The following CHST11 variants were observed in gnomAD, a reference collection of about 807,000 sequenced individuals.
The protein encoded by CHST11 is carbohydrate sulfotransferase 11.
CHST11 carries 9 observed loss-of-function variants against 30.4 expected under a neutral mutation model. That is an observed-to-expected ratio of 0.30 (90% CI 0.18 to 0.52). CHST11 has a LOEUF of 0.52. CHST11 is among the 20% of genes least tolerant of loss of function. The pLI, the probability that CHST11 is intolerant of heterozygous loss-of-function variation, is 0.97. For synonymous variants in CHST11, 152 were observed against 187.8 expected, an observed-to-expected ratio of 0.81 and a Z score of 1.56; for missense variants, 348 against 460.6, an observed-to-expected ratio of 0.76 and a Z score of 2.24.
At chr12:104,472,789 A>ATGGTGGTGGTTGTGG in intron 1 of CHST11, among the ~76,000 whole-genome samples, 1 of 151,624 alleles carries the variant, frequency 6.6e-6, no homozygotes, top group East Asian at 2.0e-4. Context: ...GGTGGTGGTG[A>ATGGTGGTGGTTGTGG]TGGTGGTGGT....
rs1378831005 is a variant in CHST11 at position 104,757,365 on chromosome 12, C to A, written c.621C>A (p.Ser207=). 5 of 1,614,142 alleles carry A rather than the reference C, an allele frequency of 3.1e-6. No individual in the cohort carries two copies. The highest frequency in any genetic ancestry group is 4.2e-6 in the Non-Finnish European group (5 of 1,180,030). The change falls in exon 3 of 3, where the codon TCC becomes TCA. Residue 207 remains serine (S), a synonymous_variant. Transcript: ENST00000303694. This position sits in a 1 kb window ranked among gnomAD's most constrained non-coding sequence, Gnocchi z 6.5. The stretch of plus-strand genomic sequence containing the variant: ...AGTTCACCCAGAAGTACAACATCTC[C>A]TTCCACAAGCGGTACGGCACCAAGA... The part of the protein sequence containing the change: ...RNKFTQKYNI[S]FHKRYGTKII...
chr12:104,750,212 G>A (rs1228046466), intron 2 of CHST11, among the ~76,000 whole-genome samples: 1 of 151,878 alleles, frequency 6.6e-6, no homozygotes, highest in African/African-American at 2.4e-5. Context: ...CAGTAACTAG[G>A]AATGAGGAAG....
At chr12:104,505,763 G>A (rs892460319) in intron 1 of CHST11, among the ~76,000 whole-genome samples, 21 of 152,304 alleles carry the variant, frequency 1.4e-4, no homozygotes, top group East Asian at 1.3e-3. Context: ...AGCAAATGTA[G>A]CCGTTCCTTT....
chr12:104,604,172 G>T (rs2038981705), intron 2 of CHST11, among the ~76,000 whole-genome samples: 1 of 152,124 alleles, frequency 6.6e-6, no homozygotes. Flanking sequence ...CTGGGTAGGG[G>T]CCCTCTCTTC....
At chr12:104,527,010 G>A (rs555718277) in intron 1 of CHST11, among the ~76,000 whole-genome samples, 34 of 152,212 alleles carry the variant, frequency 2.2e-4, no homozygotes, top group East Asian at 5.8e-4. Flanking sequence ...AGCACCACAC[G>A]GCACTCTTTC....
intron 2 of CHST11, among the ~76,000 whole-genome samples, chr12:104,677,006 T>G (rs2039748445): frequency 6.6e-6 from 1 of 152,140 alleles, no homozygotes; most frequent in Admixed American, 6.5e-5. Flanking sequence ...GACATTTCAT[T>G]TCTTCGCCCT....
intron 2 of CHST11, among the ~76,000 whole-genome samples, chr12:104,617,921 T>TC: frequency 6.6e-6 from 1 of 152,060 alleles, no homozygotes; most frequent in Admixed American, 6.5e-5. Context: ...TTTTTTTTTT[T>TC]CCCTTGAGAT....
intron 2 of CHST11, among the ~76,000 whole-genome samples, chr12:104,714,036 A>C (rs2040109441): frequency 6.6e-6 from 1 of 152,004 alleles, no homozygotes; most frequent in Non-Finnish European, 1.5e-5. Flanking sequence ...TAGTAAGGCT[A>C]CCCCCTGCCT....
At chr12:104,465,345 G>A in intron 1 of CHST11, among the ~76,000 whole-genome samples, 1 of 152,180 alleles carries the variant, frequency 6.6e-6, no homozygotes. Flanking sequence ...CGATGAGGTT[G>A]GTTAAGAGTT....
At position 104,639,543 on chromosome 12, in the gene CHST11, T is replaced by C. The variant is rs1343552338; in HGVS notation, c.204+37552T>C. ...AGGAGAACAGGTCTCAAATCTGCCTTCCCAAAGATGGGATTTTAGGGATCT... is the reference window on the plus strand; with the variant it reads ...AGGAGAACAGGTCTCAAATCTGCCTCCCCAAAGATGGGATTTTAGGGATCT... On this transcript the variant is annotated intron_variant, in intron 2 of 2. Coordinates refer to ENST00000303694, the MANE Select transcript of CHST11 (RefSeq NM_018413.6). Among the ~76,000 whole-genome samples the C allele has an allele frequency of 2.0e-5, 3 of 152,306 alleles. No individual in the cohort carries two copies. In the East Asian group the frequency reaches 5.8e-4, roughly 29 times the overall value.
intron 2 of CHST11, among the ~76,000 whole-genome samples, chr12:104,655,482 T>C (rs1368879873): frequency 2.0e-5 from 3 of 152,224 alleles, no homozygotes; most frequent in African/African-American, 7.2e-5. Flanking sequence ...GGAATTTGAC[T>C]TTCCTTTTGG....
intron 1 of CHST11, among the ~76,000 whole-genome samples, chr12:104,497,516 G>A (rs2135971991): frequency 6.6e-6 from 1 of 152,220 alleles, no homozygotes; most frequent in African/African-American, 2.4e-5. Flanking sequence ...TTTTGTTATG[G>A]CAGCCCAGGC....
At chr12:104,641,594 A>T (rs1282410388) in intron 2 of CHST11, among the ~76,000 whole-genome samples, 1 of 152,206 alleles carries the variant, frequency 6.6e-6, no homozygotes, top group Admixed American at 6.5e-5. Context: ...CTGCTTCATT[A>T]ATAATGGGAA....
chr12:104,481,012 G>C (rs1184450425), intron 1 of CHST11, among the ~76,000 whole-genome samples: 1 of 152,196 alleles, frequency 6.6e-6, no homozygotes, highest in Admixed American at 6.5e-5. Flanking sequence ...TGGCTTCTTA[G>C]CTTCACCCCT....
At chr12:104,527,844 C>A (rs950968579) in intron 1 of CHST11, among the ~76,000 whole-genome samples, 1 of 152,050 alleles carries the variant, frequency 6.6e-6, no homozygotes, top group Non-Finnish European at 1.5e-5. Context: ...ACAATCATGG[C>A]GGAAGGTGAA....
intron 1 of CHST11, among the ~76,000 whole-genome samples, chr12:104,551,870 C>T (rs141624040): frequency 1.3e-5 from 2 of 152,266 alleles, no homozygotes; most frequent in Non-Finnish European, 1.5e-5. Context: ...GTCTCTTTGC[C>T]TGCTGTGACA....
intron 1 of CHST11, among the ~76,000 whole-genome samples, chr12:104,546,666 T>TC (rs965005237): frequency 2.0e-5 from 3 of 152,128 alleles, no homozygotes; most frequent in African/African-American, 7.2e-5. Flanking sequence ...GATTTTTTTT[T>TC]CCAGGATGGA....
chr12:104,531,005 C>T (rs2055861), intron 1 of CHST11, among the ~76,000 whole-genome samples: 85,427 of 152,088 alleles, frequency 0.56, 24,947 homozygotes, highest in East Asian at 0.97. Context: ...CAGTATAAAT[C>T]CCAGTGAGGC....
At chr12:104,553,304 A>G (rs2038422328) in intron 1 of CHST11, 1 of 152,240 alleles carries the variant, frequency 6.6e-6, no homozygotes. Context: ...GGAGGGCTTC[A>G]CATACGAAGT....
Sources: gnomAD v4.1 joint callset for allele counts (sites outside exome capture counted in the v4.1 genomes callset) on GRCh38, gnomAD v4.1.1 for gene constraint, Gnocchi (gnomAD v3.1) non-coding constraint, MANE v1.5 for transcripts, NCBI Gene and HGNC (gene_info 2026-07-23, HGNC 2026-07-21) for gene names.